Variants in CDKN2B-AS1 observed in about 807,000 individuals in gnomAD.
CDKN2B-AS1 encodes the protein CDKN2B antisense RNA 1 (non-protein coding).
intron 3 of CDKN2B-AS1, among the ~76,000 whole-genome samples, chr9:22,054,689 T>A (rs1416295791): frequency 6.6e-6 from 1 of 150,586 alleles, no homozygotes; most frequent in Non-Finnish European, 1.5e-5. Flanking sequence ...TTTATTTTTT[T>A]ATTTTTTATT....
intron 1 of CDKN2B-AS1, among the ~76,000 whole-genome samples, chr9:22,042,113 C>G (rs1255188798): frequency 6.6e-6 from 1 of 152,062 alleles, no homozygotes; most frequent in African/African-American, 2.4e-5. Context: ...AGCTCATTCA[C>G]TGCTGGGCCT....
intron 4 of CDKN2B-AS1, among the ~76,000 whole-genome samples, chr9:22,110,944 T>C (rs1439994922): frequency 1.3e-5 from 2 of 152,154 alleles, no homozygotes; most frequent in African/African-American, 4.8e-5. Context: ...ATGAATTTTC[T>C]AAGACTTGAT....
Position 22,005,381 on chromosome 9 carries a change from G to C in CDKN2B-AS1, n.29+10220G>C, listed in dbSNP as rs1821121159. 4.1e-6 allele frequency: 1 copy of C among 244,552 alleles called. No individual in the cohort carries two copies. Among genetic ancestry groups the C allele is most frequent in the East Asian group, 5.9e-5 (1 of 17,086 alleles). 15.1% of individuals were successfully genotyped at this position (244,552 alleles called of 1,614,324 possible). On this transcript the variant is annotated intron_variant and non_coding_transcript_variant, in intron 1 of 4. Coordinates refer to ENST00000650946, the Ensembl canonical transcript of CDKN2B-AS1. The surrounding 1 kb of genome is among the most constrained non-coding windows in gnomAD (Gnocchi z 4.9). ...GTGGAGTTGGGCGAGGGTCTCCAGG[G>C]CTTCCAGAGAGTGTCGTTTACGCAT... is the stretch of plus-strand genomic sequence containing the variant.
In CDKN2B-AS1 at chr9:21,996,646, CCT is replaced by C. The variant is rs113646886; in HGVS notation, n.29+1486_29+1487del. ...ATCCTTTTATGGGTCTTCCTCTGCA[CCT>C]ATGCCACGCCCCCAGCATTCCCCTC... On this transcript the variant is annotated intron_variant and non_coding_transcript_variant, in intron 1 of 4. Transcript: ENST00000650946. The surrounding 1 kb of genome is among the most constrained non-coding windows in gnomAD (Gnocchi z 5.4). Among the ~76,000 whole-genome samples the C allele has an allele frequency of 0.14, 20,994 of 152,124 alleles. 1,693 individuals carry two copies. The highest frequency in any genetic ancestry group is 0.23 in the African/African-American group (9,471 of 41,498).
chr9:22,024,795 C>T (rs1397109610), intron 1 of CDKN2B-AS1, among the ~76,000 whole-genome samples: 4 of 152,254 alleles, frequency 2.6e-5, no homozygotes, highest in Admixed American at 1.3e-4. Context: ...GTATGGGTAG[C>T]GAACACCCGG....
intron 4 of CDKN2B-AS1, among the ~76,000 whole-genome samples, chr9:22,104,544 A>T (rs909124509): frequency 6.6e-6 from 1 of 152,108 alleles, no homozygotes; most frequent in East Asian, 1.9e-4. Context: ...AGCCACTAAG[A>T]CTACTTCCCA....
At chr9:22,064,670 G>A (rs1447012691) in intron 4 of CDKN2B-AS1, among the ~76,000 whole-genome samples, 1 of 152,184 alleles carries the variant, frequency 6.6e-6, no homozygotes, top group Non-Finnish European at 1.5e-5. Context: ...GTGTGTGGGT[G>A]GGTTCACTGT....
chr9:22,126,574 C>CTTTTTTT lies in CDKN2B-AS1; in HGVS notation n.439-514_439-508dup, dbSNP rs34700018. ...TGAATGGGGATGGAGTAAGTGGATT[C>CTTTTTTT]TTTTTTTTTTTTTTTTTTTTTGAGA... On this transcript the variant is annotated intron_variant and non_coding_transcript_variant, in intron 4 of 4. Transcript: ENST00000650946. 6.0e-4 allele frequency among the ~76,000 whole-genome samples: 63 copies of CTTTTTTT among 104,876 alleles called. 3 individuals carry two copies. Among genetic ancestry groups the CTTTTTTT allele is most frequent in the African/African-American group, 1.9e-3 (49 of 25,252 alleles). The allele number at this position is 104,876 out of a possible 152,430, so 68.8% of individuals were successfully genotyped here.
intron 4 of CDKN2B-AS1, among the ~76,000 whole-genome samples, chr9:22,104,249 G>T (rs1330035411): frequency 6.6e-6 from 1 of 152,118 alleles, no homozygotes; most frequent in Middle Eastern, 3.2e-3. Flanking sequence ...AAGATTAACT[G>T]GATTTTACTT....
chr9:22,011,824 C>G (rs1461426956), intron 1 of CDKN2B-AS1, among the ~76,000 whole-genome samples: 1 of 152,126 alleles, frequency 6.6e-6, no homozygotes, highest in East Asian at 1.9e-4. Flanking sequence ...GTTGTTAATG[C>G]TTTAAACACA....
At chr9:22,057,442 G>C (rs1032079095) in intron 4 of CDKN2B-AS1, among the ~76,000 whole-genome samples, 5 of 152,132 alleles carry the variant, frequency 3.3e-5, no homozygotes, top group Non-Finnish European at 7.4e-5. Context: ...AATAAAGGTA[G>C]ATGCAGCATC....
chr9:22,100,936 T>C (rs1016787423), intron 4 of CDKN2B-AS1, among the ~76,000 whole-genome samples: 3 of 152,232 alleles, frequency 2.0e-5, no homozygotes, highest in Non-Finnish European at 2.9e-5. Context: ...TTATTAACCA[T>C]TCACGTGTCT....
intron 4 of CDKN2B-AS1, among the ~76,000 whole-genome samples, chr9:22,080,512 G>C (rs1307657218): frequency 1.3e-5 from 2 of 152,216 alleles, no homozygotes; most frequent in African/African-American, 4.8e-5. Context: ...AGTCTTTAAG[G>C]AGAGCTTTAC....
chr9:22,060,740 C>G (rs1440768078), intron 4 of CDKN2B-AS1, among the ~76,000 whole-genome samples: 5 of 152,158 alleles, frequency 3.3e-5, no homozygotes, highest in Non-Finnish European at 7.4e-5. Flanking sequence ...ACAGTTAGTT[C>G]CACATGGCTG....
At chr9:22,100,332 C>G in intron 4 of CDKN2B-AS1, among the ~76,000 whole-genome samples, 1 of 152,154 alleles carries the variant, frequency 6.6e-6, no homozygotes, top group East Asian at 1.9e-4. Context: ...TCTCCATCCC[C>G]AGGCAACCAT....
At chr9:22,112,712 A>C (rs1222792247) in intron 4 of CDKN2B-AS1, among the ~76,000 whole-genome samples, 2 of 152,316 alleles carry the variant, frequency 1.3e-5, no homozygotes, top group African/African-American at 4.8e-5. Flanking sequence ...TTTCCAAACT[A>C]TTATAGCAAA....
At chr9:22,047,579 A>G (rs1009112379) in intron 2 of CDKN2B-AS1, among the ~76,000 whole-genome samples, 1 of 152,298 alleles carries the variant, frequency 6.6e-6, no homozygotes. Context: ...ATTAGTTATT[A>G]TTTATTATGA....
At position 22,001,708 on chromosome 9, in the gene CDKN2B-AS1, T is replaced by A. The variant is rs188472321; in HGVS notation, n.29+6547T>A. ...CCTTACGCAAGGAATGACATTAAAA[T>A]CTTCTGAGTAGGGAATTTAAGAGGC... On this transcript the variant is annotated intron_variant and non_coding_transcript_variant, in intron 1 of 4. Transcript: ENST00000650946. This position sits in a 1 kb window ranked among gnomAD's most constrained non-coding sequence, Gnocchi z 4.2. Among the ~76,000 whole-genome samples, 8 of 152,238 alleles carry A rather than the reference T, an allele frequency of 5.3e-5. No individual in the cohort carries two copies. Among genetic ancestry groups the A allele is most frequent in the African/African-American group, 1.4e-4 (6 of 41,556 alleles).
At position 22,091,419 on chromosome 9, in the gene CDKN2B-AS1, G is replaced by C. The variant is rs139219011; in HGVS notation, n.438+35032G>C. Among the ~76,000 whole-genome samples the C allele has an allele frequency of 3.9e-3, 589 of 152,300 alleles. 3 individuals carry two copies. Among genetic ancestry groups the C allele is most frequent in the African/African-American group, 0.012 (493 of 41,536 alleles). On this transcript the variant is annotated intron_variant and non_coding_transcript_variant, in intron 4 of 4. Transcript: ENST00000650946. The stretch of plus-strand genomic sequence containing the variant: ...TTGAATCTATAAATTACTTTGGGCA[G>C]TATGGCCATTTTCATGTTATTGATT...
Sources: gnomAD v4.1 joint callset for allele counts (sites outside exome capture counted in the v4.1 genomes callset) on GRCh38, gnomAD v4.1.1 for gene constraint, Gnocchi (gnomAD v3.1) non-coding constraint, MANE v1.5 for transcripts, NCBI Gene and HGNC (gene_info 2026-07-23, HGNC 2026-07-21) for gene names.